Variants in ESRP1 observed in about 807,000 individuals in gnomAD.
The protein encoded by ESRP1 is RNA-binding motif protein 35A.
ESRP1 carries 33 observed loss-of-function variants against 81.7 expected under a neutral mutation model. The observed-to-expected ratio is 0.40, with a 90% CI of 0.31 to 0.54. ESRP1 has a LOEUF of 0.54. Among genes scored for constraint, ESRP1 ranks in the 20% least tolerant of loss-of-function variants. The probability of loss-of-function intolerance (pLI) is 0.41; values close to 1 mark genes in which losing one functional copy is unlikely to be tolerated. For synonymous variants in ESRP1, 320 were observed against 303.3 expected, an observed-to-expected ratio of 1.06 and a Z score of -0.57; for missense variants, 672 against 833.1, an observed-to-expected ratio of 0.81 and a Z score of 2.38.
At chr8:94,697,011 C>A in intron 15 of ESRP1, 50 bp downstream of exon 15, 3 of 1,278,826 alleles carry the variant, frequency 2.3e-6, no homozygotes, top group Non-Finnish European at 3.2e-6. Context: ...AAACAGAGAT[C>A]AAGATTCTGA....
intron 13 of ESRP1, among the ~76,000 whole-genome samples, chr8:94,682,145 T>C (rs1808915329): frequency 6.6e-6 from 1 of 152,180 alleles, no homozygotes; most frequent in Non-Finnish European, 1.5e-5. Context: ...TCTCTGATTA[T>C]CAGTGCAAAA....
chr8:94,690,201 C>G (rs1377908506), intron 13 of ESRP1, among the ~76,000 whole-genome samples: 1 of 150,524 alleles, frequency 6.6e-6, no homozygotes, highest in Non-Finnish European at 1.5e-5. Flanking sequence ...GTGTCAAATT[C>G]CTGGCCTAAA....
At chr8:94,664,015 A>G (rs1363778511) in intron 6 of ESRP1, among the ~76,000 whole-genome samples, 1 of 152,110 alleles carries the variant, frequency 6.6e-6, no homozygotes, top group African/African-American at 2.4e-5. Flanking sequence ...AACTGGATTT[A>G]AACCCCACAT....
chr8:94,658,691 T>C (rs76757769), intron 4 of ESRP1, among the ~76,000 whole-genome samples: 18,255 of 152,202 alleles, frequency 0.12, 1,410 homozygotes, highest in Admixed American at 0.21. Context: ...ATATTCTTTT[T>C]TGAGATTGAT....
intron 8 of ESRP1, 38 bp from the exon 9 acceptor site, chr8:94,665,116 G>A (rs2130616726): frequency 6.2e-7 from 1 of 1,613,752 alleles, no homozygotes. Flanking sequence ...ACATAGGACG[G>A]AAGGCTCAGA....
In ESRP1 at chr8:94,692,843, G is replaced by A. The variant is rs1809459018; in HGVS notation, c.1971+16G>A. ...AGGTTACCAGGTCAGTAGCTTGAAGGAGAATAATCCTCAGTGCCCTTATTA... is the reference window on the plus strand; with the variant it reads ...AGGTTACCAGGTCAGTAGCTTGAAGAAGAATAATCCTCAGTGCCCTTATTA... On this transcript the variant is annotated intron_variant, in intron 14 of 15. Coordinates refer to ENST00000433389, the MANE Select transcript of ESRP1 (RefSeq NM_017697.4). The A allele has an allele frequency of 6.2e-7, 1 of 1,610,598 alleles. No individual in the cohort carries two copies. Among genetic ancestry groups the A allele is most frequent in the South Asian group, 1.1e-5 (1 of 90,400 alleles).
rs2130754800 is a variant in ESRP1, at chr8:94,706,793, T to G, written c.*904T>G. The G allele has an allele frequency of 6.6e-6, 1 of 152,390 alleles. No individual in the cohort carries two copies. The highest frequency in any genetic ancestry group is 2.1e-4 in the South Asian group (1 of 4,832). The allele number at this position is 152,390 out of a possible 1,614,324, so 9.4% of individuals were successfully genotyped here. A position where few individuals can be genotyped will look rare whatever the true frequency, so the allele number is the denominator to read the frequency against. ...AAGTGAGACAATTTGAACAGTGTAT[T>G]CTAGAAAACAATACACTAACTGAAC... On this transcript the variant is annotated 3_prime_UTR_variant, in exon 16 of 16. Transcript: ENST00000433389.
At chr8:94,664,624 G>A (rs772716605) in intron 6 of ESRP1, 73 bp from the exon 7 acceptor site, 6 of 1,044,824 alleles carry the variant, frequency 5.7e-6, no homozygotes, top group Non-Finnish European at 9.0e-6. Context: ...CTAGGCAGTT[G>A]TCTTGCAGGG....
intron 4 of ESRP1, among the ~76,000 whole-genome samples, chr8:94,661,613 G>A (rs1247403667): frequency 1.3e-5 from 2 of 152,334 alleles, no homozygotes; most frequent in East Asian, 3.9e-4. Flanking sequence ...CTCAAACCAA[G>A]TTTGAGCTAT....
At position 94,678,254 on chromosome 8, in the gene ESRP1, C is replaced by T. The variant is rs1586226152; in HGVS notation, c.1703C>T (p.Thr568Ile). Residue 568 changes from threonine (T) to isoleucine (I), a missense_variant, in exon 13 of 16, where the codon ACA becomes ATA. Transcript: ENST00000433389. ...CCAGCTCCTGCTGCAGTTATTCCTA[C>T]AGAAGCTGCCATTTACCAGCCCTCT... ...TFPAPAAVIP[T>I]EAAIYQPSVI... 2 of 1,614,022 alleles carry T rather than the reference C, an allele frequency of 1.2e-6. No individual in the cohort carries two copies. The highest frequency in any genetic ancestry group is 1.7e-6 in the Non-Finnish European group (2 of 1,179,906).
intron 13 of ESRP1, among the ~76,000 whole-genome samples, chr8:94,680,691 T>A (rs1808838060): frequency 6.6e-6 from 1 of 152,180 alleles, no homozygotes; most frequent in South Asian, 2.1e-4. Flanking sequence ...CCTCCCAAAG[T>A]GCTGGGATCA....
At chr8:94,679,779 G>A (rs770996064) in intron 13 of ESRP1, among the ~76,000 whole-genome samples, 20 of 152,050 alleles carry the variant, frequency 1.3e-4, no homozygotes, top group South Asian at 4.2e-4. Flanking sequence ...AGAAGTAACC[G>A]TTACTATCAG....
At position 94,650,007 on chromosome 8, in the gene ESRP1, G is replaced by T. The variant is rs923506426; in HGVS notation, c.490+3725G>T. Among the ~76,000 whole-genome samples, 7 of 151,926 alleles carry T rather than the reference G, an allele frequency of 4.6e-5. No individual in the cohort carries two copies. The East Asian group carries it at 9.7e-4, about 21-fold the overall frequency. On this transcript the variant is annotated intron_variant, in intron 4 of 15. Coordinates refer to ENST00000433389, the MANE Select transcript of ESRP1 (RefSeq NM_017697.4). ...TTATTCTCTCCCTCTTCCTCTCCCT[G>T]CTCCTTCCCTTCCTCTCCTTCTCTC...
At chr8:94,700,844 G>T (rs1809795695) in intron 15 of ESRP1, among the ~76,000 whole-genome samples, 1 of 152,008 alleles carries the variant, frequency 6.6e-6, no homozygotes, top group Admixed American at 6.6e-5. Context: ...CAGGAGAATG[G>T]CATGAACCCG....
At position 94,667,985 on chromosome 8, in the gene ESRP1, A is replaced by T. The variant is rs1287257257; in HGVS notation, c.968A>T (p.Glu323Val). ...SNEVAQFLSK[E>V]NQVIVRMRGL... is the part of the protein sequence containing the mutation. ...GAGGTAGCCCAGTTTCTCTCCAAGGAAAATCAAGTCATTGTCCGCATGCGG... is the reference window on the plus strand; with the variant it reads ...GAGGTAGCCCAGTTTCTCTCCAAGGTAAATCAAGTCATTGTCCGCATGCGG... The change falls in exon 10 of 16, where the codon GAA (glutamate) becomes GTA (valine). Residue 323 changes from glutamate to valine, a missense_variant. By Grantham distance (121) the Glu-to-Val change is moderately radical (BLOSUM62 -2). Coordinates refer to ENST00000433389, the MANE Select transcript of ESRP1 (RefSeq NM_017697.4). 6.2e-7 allele frequency: 1 copy of T among 1,609,198 alleles called. No individual in the cohort carries two copies. Among genetic ancestry groups the T allele is most frequent in the Non-Finnish European group, 8.5e-7 (1 of 1,177,240 alleles).
At chr8:94,669,136 A>T (rs567065334) in intron 10 of ESRP1, among the ~76,000 whole-genome samples, 1 of 152,312 alleles carries the variant, frequency 6.6e-6, no homozygotes, top group East Asian at 1.9e-4. Flanking sequence ...CTCAAAATGT[A>T]CTAAGATCTA....
intron 12 of ESRP1, among the ~76,000 whole-genome samples, chr8:94,677,460 C>A (rs757004722): frequency 6.6e-6 from 1 of 152,158 alleles, no homozygotes; most frequent in Non-Finnish European, 1.5e-5. Flanking sequence ...GTTTGATAAC[C>A]AGAAGACAAT....
At chr8:94,705,636 C>T (rs1186308610) in intron 15 of ESRP1, 3 of 286,972 alleles carry the variant, frequency 1.0e-5, no homozygotes, top group South Asian at 1.0e-4. Context: ...AGCAGGGAGT[C>T]GGAAACCATA....
chr8:94,664,600 T>C, intron 6 of ESRP1, 97 bp from the exon 7 acceptor site: 1 of 834,998 alleles, frequency 1.2e-6, no homozygotes, highest in Non-Finnish European at 2.0e-6. Flanking sequence ...CACCAAATAA[T>C]ACATCCTGTG....
Sources: allele counts gnomAD v4.1 joint callset (sites outside exome capture counted in the v4.1 genomes callset), GRCh38; gene constraint gnomAD v4.1.1; transcripts MANE v1.5; gene names NCBI Gene and HGNC (gene_info 2026-07-23, HGNC 2026-07-21).